Variants in FERMT2 observed in about 807,000 individuals in gnomAD.
FERMT2 encodes FERM domain containing kindlin 2, also known as fermitin family homolog 2.
Under a neutral mutation model 82.7 loss-of-function variants are expected in FERMT2, and 15 were observed. The ratio of observed to expected loss-of-function variants is 0.18; its 90% CI spans 0.12 to 0.28. FERMT2 has a LOEUF of 0.28. Ranked by LOEUF, FERMT2 falls within the 10% of genes least tolerant of loss-of-function variation. The pLI, the probability that FERMT2 is intolerant of heterozygous loss-of-function variation, is 1.00. For synonymous variants in FERMT2, 274 were observed against 271.5 expected, an observed-to-expected ratio of 1.01 and a Z score of -0.09; for missense variants, 645 against 809.4, an observed-to-expected ratio of 0.80 and a Z score of 2.46.
rs1327844702 is a variant in FERMT2 at position 52,875,197 on chromosome 14, T to C, written c.1098+26A>G. 3.2e-6 allele frequency: 5 copies of C among 1,586,132 alleles called. No individual in the cohort carries two copies. The South Asian group carries it at 3.5e-5, about 11-fold the overall frequency. ...AATGCATCAATTCAAGCTAAATTAGTAGGTAAAAAAAAAGATTCACCCTAC... is the reference window on the plus strand; with the variant it reads ...AATGCATCAATTCAAGCTAAATTAGCAGGTAAAAAAAAAGATTCACCCTAC... On this transcript the variant is annotated intron_variant, in intron 8 of 14. Coordinates refer to ENST00000341590, the MANE Select transcript of FERMT2 (RefSeq NM_006832.3).
rs570748698 is a variant in FERMT2 at position 52,898,097 on chromosome 14, A to G, written c.392-4670T>C. Among the ~76,000 whole-genome samples, 11 of 152,256 alleles carry G rather than the reference A, an allele frequency of 7.2e-5. No homozygotes were observed. The East Asian group carries it at 2.1e-3, about 29-fold the overall frequency. On this transcript the variant is annotated intron_variant, in intron 3 of 14. Transcript: ENST00000341590. ...GGCTATTTTCTGATCGGTTTCTGAA[A>G]CCTGAAAATGGAATTAGCAGAAGAA...
chr14:52,913,100 G>T (rs1018042643), intron 3 of FERMT2, among the ~76,000 whole-genome samples: 2 of 151,898 alleles, frequency 1.3e-5, no homozygotes, highest in Admixed American at 6.6e-5. Context: ...AACAACAAAC[G>T]ATTGCAAAAG....
intron 13 of FERMT2, 31 bp downstream of exon 13, chr14:52,860,310 G>A (rs760001288): frequency 8.7e-6 from 14 of 1,607,708 alleles, no homozygotes; most frequent in Non-Finnish European, 1.2e-5. Flanking sequence ...TGCAGATTAA[G>A]GTTTACACAT....
chr14:52,872,822 G>A lies in FERMT2; in HGVS notation c.1250C>T (p.Pro417Leu), dbSNP rs558978344. Residue 417 changes from proline to leucine, a missense_variant, in exon 10 of 15, where the codon CCA becomes CTA. Coordinates refer to ENST00000341590, the MANE Select transcript of FERMT2 (RefSeq NM_006832.3). ...YKSKEESSGT[P>L]AHQMNLRGCE... ...ACCCCTGAGGTTCATCTGATGAGCT[G>A]GTGTGCCACTGGATTCTTCTTTGCT... 7 of 1,613,862 alleles carry A rather than the reference G, an allele frequency of 4.3e-6. No individual in the cohort carries two copies. Among genetic ancestry groups the A allele is most frequent in the Admixed American group, 1.7e-5 (1 of 60,000 alleles).
At chr14:52,868,576 A>G (rs1885430314) in intron 10 of FERMT2, among the ~76,000 whole-genome samples, 1 of 152,182 alleles carries the variant, frequency 6.6e-6, no homozygotes, top group Non-Finnish European at 1.5e-5. Context: ...GTATTAGCTG[A>G]AATGAATTTT....
Position 52,905,571 on chromosome 14 carries a change from G to A in FERMT2, c.392-12144C>T, listed in dbSNP as rs547584204. On this transcript the variant is annotated intron_variant, in intron 3 of 14. Coordinates refer to ENST00000341590, the MANE Select transcript of FERMT2 (RefSeq NM_006832.3). ...ACCGGAGCAGTGGAGGGTGGAGATGGAGAGACGTGGAAAGACTGAAGACAT... is the reference window on the plus strand; with the variant it reads ...ACCGGAGCAGTGGAGGGTGGAGATGAAGAGACGTGGAAAGACTGAAGACAT... 5.3e-4 allele frequency among the ~76,000 whole-genome samples: 81 copies of A among 152,346 alleles called. No homozygotes were observed. The Middle Eastern group carries it at 0.01, about 19-fold the overall frequency.
At chr14:52,924,883 T>C (rs1889164304) in intron 2 of FERMT2, among the ~76,000 whole-genome samples, 2 of 152,340 alleles carry the variant, frequency 1.3e-5, no homozygotes, top group South Asian at 4.1e-4. Context: ...AATGATTTCG[T>C]ATTTCAGATC....
chr14:52,925,915 A>AT (rs1382385005), intron 2 of FERMT2, among the ~76,000 whole-genome samples: 7 of 152,284 alleles, frequency 4.6e-5, no homozygotes, highest in African/African-American at 1.7e-4. Flanking sequence ...AAGTGCTGGG[A>AT]TTACAGGCAT....
At chr14:52,869,650 A>ATT (rs1446355117) in intron 10 of FERMT2, among the ~76,000 whole-genome samples, 4 of 150,642 alleles carry the variant, frequency 2.7e-5, no homozygotes, top group Non-Finnish European at 6.0e-5. Context: ...ATACCTGATA[A>ATT]TGATAAATGA....
chr14:52,950,628 G>A (rs2139726734), intron 1 of FERMT2, 51 bp from the exon 2 acceptor site: 5 of 1,570,722 alleles, frequency 3.2e-6, no homozygotes, highest in East Asian at 4.6e-5. Flanking sequence ...CCCAAAGAAA[G>A]GCGAATCCCA....
At chr14:52,895,311 T>A (rs771578445) in intron 3 of FERMT2, among the ~76,000 whole-genome samples, 1 of 152,184 alleles carries the variant, frequency 6.6e-6, no homozygotes, top group Non-Finnish European at 1.5e-5. Flanking sequence ...CAATTCTGTA[T>A]AAACATACAT....
intron 2 of FERMT2, among the ~76,000 whole-genome samples, chr14:52,949,925 A>G (rs569292220): frequency 5.3e-5 from 8 of 152,212 alleles, no homozygotes; most frequent in Non-Finnish European, 1.0e-4. Context: ...TAGAACAGCC[A>G]CAGAAACTTC....
chr14:52,901,105 CAAAAAAAAAAAAA>C (rs71125146), intron 3 of FERMT2, among the ~76,000 whole-genome samples: 7 of 68,616 alleles, frequency 1.0e-4, no homozygotes, highest in East Asian at 8.1e-4. Context: ...ACTAAAAATA[CAAAAAAAAAAAAA>C]AAAAAAAAAA....
chr14:52,933,714 A>AG (rs1889701776), intron 2 of FERMT2, among the ~76,000 whole-genome samples: 1 of 134,972 alleles, frequency 7.4e-6, no homozygotes, highest in Non-Finnish European at 1.6e-5. Flanking sequence ...CCGTCTCAAA[A>AG]AAAAAAAAAA....
At chr14:52,908,197 C>T (rs1888123771) in intron 3 of FERMT2, among the ~76,000 whole-genome samples, 1 of 152,200 alleles carries the variant, frequency 6.6e-6, no homozygotes, top group East Asian at 1.9e-4. Flanking sequence ...TTCAAGGACA[C>T]AGAGCAACTG....
chr14:52,870,880 T>C (rs1456861936), intron 10 of FERMT2, among the ~76,000 whole-genome samples: 4 of 152,212 alleles, frequency 2.6e-5, no homozygotes, highest in African/African-American at 9.6e-5. Context: ...TTAAATGAAA[T>C]TGTTTTGGGA....
At chr14:52,938,163 C>A (rs1039729426) in intron 2 of FERMT2, among the ~76,000 whole-genome samples, 2 of 152,170 alleles carry the variant, frequency 1.3e-5, no homozygotes, top group African/African-American at 4.8e-5. Flanking sequence ...TCAGACACTT[C>A]ACAACCACTA....
chr14:52,891,768 C>T (rs1477904159), intron 4 of FERMT2, among the ~76,000 whole-genome samples: 2 of 152,154 alleles, frequency 1.3e-5, no homozygotes, highest in Non-Finnish European at 2.9e-5. Context: ...TGGATTTATA[C>T]ATTTGTGGCT....
At chr14:52,886,788 C>T (rs890727069) in intron 4 of FERMT2, among the ~76,000 whole-genome samples, 6 of 152,086 alleles carry the variant, frequency 3.9e-5, no homozygotes, top group Non-Finnish European at 7.4e-5. Context: ...CTTACAACCT[C>T]GTTATATGTA....
Sources: allele counts gnomAD v4.1 joint callset (sites outside exome capture counted in the v4.1 genomes callset), GRCh38; gene constraint gnomAD v4.1.1; transcripts MANE v1.5; gene names NCBI Gene and HGNC (gene_info 2026-07-23, HGNC 2026-07-21).